PIP4K2A: variants seen among roughly 807,000 people sequenced by gnomAD.
PIP4K2A encodes the protein phosphatidylinositol-5-phosphate 4-kinase type 2 alpha.
A neutral mutation model predicts 42.9 loss-of-function variants in PIP4K2A; 14 were observed. The ratio of observed to expected loss-of-function variants is 0.33; its 90% confidence interval spans 0.22 to 0.51. PIP4K2A has a LOEUF of 0.51. Among genes scored for constraint, PIP4K2A ranks in the 20% least tolerant of loss-of-function variants. PIP4K2A has a pLI of 0.97. For missense variants in PIP4K2A, 434 were observed against 519.8 expected (o/e 0.83, Z 1.61); for synonymous variants, 192 against 192.2 (o/e 1.00, Z 0.01).
chr10:22,566,873 T>G (rs2130786371), intron 6 of PIP4K2A, among the ~76,000 whole-genome samples: 1 of 152,296 alleles, frequency 6.6e-6, no homozygotes, highest in Middle Eastern at 3.4e-3. Context: ...TAACATAATT[T>G]TCTATTTGAG....
intron 1 of PIP4K2A, among the ~76,000 whole-genome samples, chr10:22,614,169 C>T (rs1333138292): frequency 6.6e-6 from 1 of 152,158 alleles, no homozygotes; most frequent in Non-Finnish European, 1.5e-5. Context: ...TTTAGCTATT[C>T]CCCATCTTCC....
intron 1 of PIP4K2A, among the ~76,000 whole-genome samples, chr10:22,681,589 G>A (rs1317898140): frequency 6.6e-6 from 1 of 152,144 alleles, no homozygotes; most frequent in East Asian, 1.9e-4. Context: ...GTAGGAGGAT[G>A]CCTTGAGCCT....
chr10:22,701,567 G>A (rs1014544456), intron 1 of PIP4K2A, among the ~76,000 whole-genome samples: 24 of 152,256 alleles, frequency 1.6e-4, no homozygotes, highest in African/African-American at 5.3e-4. Context: ...TCCATCCCTG[G>A]AAGGCTGCAG....
chr10:22,569,442 T>C (rs1836929060), intron 5 of PIP4K2A, among the ~76,000 whole-genome samples: 1 of 152,226 alleles, frequency 6.6e-6, no homozygotes, highest in African/African-American at 2.4e-5. Context: ...GCCCAGCAAC[T>C]GTTACTTGCC....
chr10:22,557,474 A>C (rs542355772), intron 6 of PIP4K2A, among the ~76,000 whole-genome samples: 7 of 152,368 alleles, frequency 4.6e-5, no homozygotes, highest in African/African-American at 1.7e-4. Context: ...TGAAGTGGGA[A>C]TTAACTCACG....
intron 1 of PIP4K2A, among the ~76,000 whole-genome samples, chr10:22,655,114 A>C (rs1301889226): frequency 6.6e-6 from 1 of 152,184 alleles, no homozygotes; most frequent in Non-Finnish European, 1.5e-5. Flanking sequence ...AAATGGAAAA[A>C]GGAAATTGTG....
chr10:22,698,189 A>G (rs1207576937), intron 1 of PIP4K2A, among the ~76,000 whole-genome samples: 1 of 152,220 alleles, frequency 6.6e-6, no homozygotes, highest in Non-Finnish European at 1.5e-5. Context: ...CACACTGCCC[A>G]TGTGCGTACA....
At chr10:22,549,884 G>GAA (rs1444306313) in intron 7 of PIP4K2A, among the ~76,000 whole-genome samples, 1 of 112,208 alleles carries the variant, frequency 8.9e-6, no homozygotes, top group Admixed American at 9.1e-5. Flanking sequence ...AGAAAGGAAA[G>GAA]AAAATAACCT....
At chr10:22,590,552 T>A (rs754876522) in intron 4 of PIP4K2A, among the ~76,000 whole-genome samples, 1 of 152,140 alleles carries the variant, frequency 6.6e-6, no homozygotes, top group African/African-American at 2.4e-5. Flanking sequence ...CCCGACTGTA[T>A]AAACAAAGAA....
chr10:22,645,337 GGAGT>G (rs1039702932), intron 1 of PIP4K2A, among the ~76,000 whole-genome samples: 72 of 152,274 alleles, frequency 4.7e-4, no homozygotes, highest in Middle Eastern at 6.8e-3. Flanking sequence ...CCTGAGCCCA[GGAGT>G]TTCAGACCAG....
intron 3 of PIP4K2A, among the ~76,000 whole-genome samples, chr10:22,604,496 T>C (rs1837864368): frequency 6.6e-6 from 1 of 151,858 alleles, no homozygotes; most frequent in African/African-American, 2.4e-5. Context: ...GAGCCGCTTG[T>C]CCAAAATGCA....
At chr10:22,670,121 G>A (rs1163892705) in intron 1 of PIP4K2A, among the ~76,000 whole-genome samples, 1 of 152,228 alleles carries the variant, frequency 6.6e-6, no homozygotes, top group African/African-American at 2.4e-5. Context: ...GCTCAAGCCT[G>A]TAATCCCAGA....
intron 1 of PIP4K2A, chr10:22,691,502 T>C (rs898045295): frequency 6.6e-6 from 1 of 152,200 alleles, no homozygotes; most frequent in Non-Finnish European, 1.5e-5. Context: ...GAAGTTCTTA[T>C]AAAGCTTTTT....
chr10:22,537,249 T>C lies in PIP4K2A; in HGVS notation c.1173A>G (p.Glu391=), dbSNP rs80142698. Residue 391 remains glutamate, a synonymous_variant, in exon 10 of 10, where the codon GAA becomes GAG. Coordinates refer to ENST00000376573, the MANE Select transcript of PIP4K2A (RefSeq NM_005028.5). ...AGTCCAAAAAGCGCTTTGAATACTGTTCTGGGTTCACGGTGGAGATCTCCG... is the reference window on the plus strand; with the variant it reads ...AGTCCAAAAAGCGCTTTGAATACTGCTCTGGGTTCACGGTGGAGATCTCCG... ...AGAEISTVNP[E]QYSKRFLDFI... is the part of the protein sequence containing the mutation. The C allele has an allele frequency of 3.1e-3, 5,017 of 1,606,956 alleles. 117 individuals are homozygous for C. In the African/African-American group the frequency reaches 0.054, roughly 17 times the overall value.
chr10:22,557,323 G>A (rs911739595), intron 6 of PIP4K2A, among the ~76,000 whole-genome samples: 2 of 152,158 alleles, frequency 1.3e-5, no homozygotes, highest in African/African-American at 4.8e-5. Context: ...GAGCTAAAAA[G>A]CAACACCTAA....
intron 4 of PIP4K2A, among the ~76,000 whole-genome samples, chr10:22,585,039 C>A (rs926053103): frequency 2.0e-5 from 3 of 152,142 alleles, no homozygotes; most frequent in African/African-American, 7.2e-5. Context: ...CCAGACCCAG[C>A]CAGTCAGAGC....
intron 1 of PIP4K2A, among the ~76,000 whole-genome samples, chr10:22,687,090 T>A (rs1839780014): frequency 1.3e-5 from 2 of 151,020 alleles, no homozygotes; most frequent in South Asian, 4.2e-4. Context: ...TGATGCGGCA[T>A]GCTATGTGAC....
At chr10:22,538,586 TTC>T (rs1454437497) in intron 9 of PIP4K2A, among the ~76,000 whole-genome samples, 2 of 152,322 alleles carry the variant, frequency 1.3e-5, no homozygotes, top group East Asian at 1.9e-4. Context: ...TCCTCGCCAG[TTC>T]TCTCTTTGCC....
rs559659014 is a variant in PIP4K2A at position 22,595,034 on chromosome 10, T to C, written c.340-3253A>G. 2.6e-5 allele frequency among the ~76,000 whole-genome samples: 4 copies of C among 152,346 alleles called. No homozygotes were observed. The East Asian group carries it at 5.8e-4, about 22-fold the overall frequency. On this transcript the variant is annotated intron_variant, in intron 3 of 9. Transcript: ENST00000376573. ...CTGTGTCAAAACATAGAATGTACCT[T>C]TCATATCACTATGAATATAAAAATA...
Sources: gnomAD v4.1 joint callset for allele counts (sites outside exome capture counted in the v4.1 genomes callset) on GRCh38, gnomAD v4.1.1 for gene constraint, MANE v1.5 for transcripts, NCBI Gene and HGNC (gene_info 2026-07-23, HGNC 2026-07-21) for gene names.